WWOX: variants seen among roughly 807,000 people sequenced by gnomAD.
WWOX encodes WW domain-containing oxidoreductase.
A neutral mutation model predicts 46.2 loss-of-function variants in WWOX; 69 were observed. The observed-to-expected ratio is 1.49, with a 90% CI of 1.23 to 1.82. WWOX has a LOEUF of 1.82. WWOX is among the 40% of genes most tolerant of loss of function. The probability of loss-of-function intolerance (pLI) is 0.00; values close to 1 mark genes in which losing one functional copy is unlikely to be tolerated. For synonymous variants in WWOX, 359 were observed against 202.6 expected, an observed-to-expected ratio of 1.77 and a Z score of -6.56; for missense variants, 919 against 542.6, an observed-to-expected ratio of 1.69 and a Z score of -6.89.
intron 8 of WWOX, among the ~76,000 whole-genome samples, chr16:78,470,858 G>A (rs1435708843): frequency 6.6e-6 from 1 of 152,126 alleles, no homozygotes; most frequent in African/African-American, 2.4e-5. Flanking sequence ...TGTCCAGTGT[G>A]GTAGGTACCT....
intron 4 of WWOX, among the ~76,000 whole-genome samples, chr16:78,149,120 G>A (rs765566210): frequency 2.0e-5 from 3 of 151,990 alleles, no homozygotes; most frequent in Non-Finnish European, 4.4e-5. Flanking sequence ...GCCTCCTAAA[G>A]TGCTGGGATT....
chr16:78,756,739 A>AAGTTTGT (rs2049658440), intron 8 of WWOX, among the ~76,000 whole-genome samples: 2 of 152,202 alleles, frequency 1.3e-5, no homozygotes, highest in Non-Finnish European at 2.9e-5. Context: ...TGGACAAAGA[A>AAGTTTGT]TCAAACCTAA....
chr16:78,664,600 C>A (rs565818839), intron 8 of WWOX, among the ~76,000 whole-genome samples: 1 of 152,122 alleles, frequency 6.6e-6, no homozygotes, highest in Non-Finnish European at 1.5e-5. Flanking sequence ...AACTCTGTGT[C>A]CAGATGTTTT....
At chr16:78,863,889 C>T (rs571343460) in intron 8 of WWOX, among the ~76,000 whole-genome samples, 25 of 152,296 alleles carry the variant, frequency 1.6e-4, no homozygotes, top group African/African-American at 5.3e-4. Flanking sequence ...CTCCACTTAG[C>T]ATCGTGTTTT....
At chr16:78,602,491 C>G (rs563163069) in intron 8 of WWOX, among the ~76,000 whole-genome samples, 1 of 152,196 alleles carries the variant, frequency 6.6e-6, no homozygotes, top group African/African-American at 2.4e-5. Flanking sequence ...CTCGGCCTCT[C>G]AAAGTGCTGG....
chr16:79,088,707 A>T (rs189515432), intron 8 of WWOX, among the ~76,000 whole-genome samples: 201 of 152,220 alleles, frequency 1.3e-3, no homozygotes, highest in African/African-American at 4.3e-3. Context: ...TGTGGTCCAT[A>T]TTGAGAACCG....
intron 5 of WWOX, among the ~76,000 whole-genome samples, chr16:78,296,212 A>G (rs1374836648): frequency 6.6e-6 from 1 of 152,052 alleles, no homozygotes; most frequent in East Asian, 1.9e-4. Flanking sequence ...TCTTCACTCT[A>G]TCTGTATTGT....
At chr16:78,385,633 C>T (rs2082045711) in intron 5 of WWOX, among the ~76,000 whole-genome samples, 1 of 152,116 alleles carries the variant, frequency 6.6e-6, no homozygotes, top group South Asian at 2.1e-4. Context: ...ACGTCTCAGC[C>T]CAGCTCCTGT....
intron 4 of WWOX, among the ~76,000 whole-genome samples, chr16:78,118,208 C>T (rs1045549629): frequency 6.6e-5 from 10 of 151,852 alleles, no homozygotes; most frequent in African/African-American, 2.4e-4. Flanking sequence ...GTCTTGTCAT[C>T]ATTTTCCTCT....
intron 8 of WWOX, among the ~76,000 whole-genome samples, chr16:78,794,445 G>T (rs1219652041): frequency 1.3e-5 from 2 of 152,054 alleles, no homozygotes; most frequent in South Asian, 4.2e-4. Flanking sequence ...TGTCATAAAA[G>T]CCCCAAAAGA....
chr16:78,357,327 C>G (rs1450238223), intron 5 of WWOX, among the ~76,000 whole-genome samples: 1 of 152,150 alleles, frequency 6.6e-6, no homozygotes, highest in Admixed American at 6.6e-5. Flanking sequence ...TTACCTTTCT[C>G]AGCACCACAC....
chr16:78,106,328 G>C (rs2032140873), intron 1 of WWOX, among the ~76,000 whole-genome samples: 1 of 151,700 alleles, frequency 6.6e-6, no homozygotes, highest in Non-Finnish European at 1.5e-5. Context: ...TTTTGAAGGA[G>C]AAGCAGGAGT....
intron 8 of WWOX, among the ~76,000 whole-genome samples, chr16:78,680,105 G>C (rs905061197): frequency 3.3e-5 from 5 of 152,232 alleles, no homozygotes; most frequent in African/African-American, 4.8e-5. Flanking sequence ...TTAGAGTGAA[G>C]TTTAAATAAG....
chr16:78,515,742 C>A (rs187945895), intron 8 of WWOX, among the ~76,000 whole-genome samples: 74 of 152,326 alleles, frequency 4.9e-4, no homozygotes, highest in Non-Finnish European at 4.4e-4. Context: ...TCTGCGTGTT[C>A]AGCACTTCTG....
intron 5 of WWOX, among the ~76,000 whole-genome samples, chr16:78,217,742 G>A (rs1317325681): frequency 3.3e-5 from 5 of 152,086 alleles, no homozygotes; most frequent in Admixed American, 1.3e-4. Context: ...TTCACTTACC[G>A]GGGAAGGGGG....
At chr16:78,529,934 C>T (rs1167424993) in intron 8 of WWOX, among the ~76,000 whole-genome samples, 1 of 152,134 alleles carries the variant, frequency 6.6e-6, no homozygotes, top group East Asian at 1.9e-4. Context: ...TTGTTGGTTT[C>T]CGTGTTGATG....
At chr16:78,692,359 G>A (rs1051138574) in intron 8 of WWOX, among the ~76,000 whole-genome samples, 1 of 152,188 alleles carries the variant, frequency 6.6e-6, no homozygotes, top group African/African-American at 2.4e-5. Flanking sequence ...TTCCTTACCA[G>A]TTCCCAAAGC....
chr16:79,193,294 T>A (rs955497885), intron 8 of WWOX, among the ~76,000 whole-genome samples: 1 of 152,230 alleles, frequency 6.6e-6, no homozygotes, highest in Non-Finnish European at 1.5e-5. Context: ...CCTCTGAGGC[T>A]CACTGGAAGA....
intron 8 of WWOX, among the ~76,000 whole-genome samples, chr16:79,186,437 G>A (rs527337949): frequency 7.2e-5 from 11 of 152,218 alleles, no homozygotes; most frequent in Admixed American, 4.6e-4. Context: ...TGACCTCTGC[G>A]TCTGTCCTCC....
Sources: gnomAD v4.1 joint callset for allele counts (sites outside exome capture counted in the v4.1 genomes callset) on GRCh38, gnomAD v4.1.1 for gene constraint, MANE v1.5 for transcripts, NCBI Gene and HGNC (gene_info 2026-07-23, HGNC 2026-07-21) for gene names.